CRLF2: variants seen among roughly 807,000 people sequenced by gnomAD.
CRLF2 encodes cytokine receptor-like factor 2.
A neutral mutation model predicts 38.7 loss-of-function variants in CRLF2; 41 were observed. The ratio of observed to expected loss-of-function variants is 1.06; its 90% CI spans 0.83 to 1.37. The LOEUF (loss-of-function observed/expected upper bound fraction) is 1.37, where lower values mean the gene tolerates loss of function less well. Among genes scored for constraint, CRLF2 ranks in the 40% most tolerant of loss-of-function variants. The pLI is 0.00. For missense variants in CRLF2, 377 were observed against 322.2 expected (o/e 1.17, Z -1.30); for synonymous variants, 140 against 128.8 (o/e 1.09, Z -0.59).
intron 4 of CRLF2, among the ~76,000 whole-genome samples, chrX:1,199,790 G>T (rs2086566826): frequency 6.6e-6 from 1 of 151,592 alleles, no homozygotes. Context: ...ATATATAATT[G>T]TGTATATATA....
chrX:1,207,333 G>A (rs1371478954), intron 2 of CRLF2, among the ~76,000 whole-genome samples: 5 of 150,670 alleles, frequency 3.3e-5, no homozygotes, highest in African/African-American at 1.2e-4. Flanking sequence ...TCGGCCCACT[G>A]CAACCTCTGC....
At position 1,198,738 on chromosome X, in the gene CRLF2, C is replaced by CAG; in HGVS notation, c.484-15_484-14insCT. On this transcript the variant is annotated splice_polypyrimidine_tract_variant and intron_variant, in intron 4 of 7. Coordinates refer to ENST00000400841, the MANE Select transcript of CRLF2 (RefSeq NM_022148.4). ...TTCCTGTTTGGACTGGAGAAACATA[C>CAG]ACACACACACACACACACACACACA... 1.8e-6 allele frequency: 1 copy of CAG among 559,266 alleles called. No individual in the cohort carries two copies. The highest frequency in any genetic ancestry group is 2.8e-6 in the Non-Finnish European group (1 of 353,960). The allele number at this position is 559,266 out of a possible 1,614,324, so 34.6% of individuals were successfully genotyped here.
In CRLF2 at chrX:1,212,637, C is replaced by G. The variant is rs1221113736; in HGVS notation, c.-3G>C. The G allele has an allele frequency of 1.4e-5, 23 of 1,608,274 alleles. No homozygotes were observed. Among genetic ancestry groups the G allele is most frequent in the Non-Finnish European group, 2.0e-5 (23 of 1,175,156 alleles). Reference sequence around the variant, plus strand: ...CACAGCAGAACCAGCCGCCCCATGCCTGAAACAGGAGTGGAGAGTGAGGTC... The same window carrying G: ...CACAGCAGAACCAGCCGCCCCATGCGTGAAACAGGAGTGGAGAGTGAGGTC... On this transcript the variant is annotated 5_prime_UTR_variant, in exon 1 of 8. Transcript: ENST00000400841.
rs760783098 is a variant in CRLF2 at position 1,198,736 on chromosome X, T to TACACATAC, written c.484-13_484-12insGTATGTGT. ...TTTTCCTGTTTGGACTGGAGAAACA[T>TACACATAC]ACACACACACACACACACACACACA... On this transcript the variant is annotated splice_polypyrimidine_tract_variant and intron_variant, in intron 4 of 7. Coordinates refer to ENST00000400841, the MANE Select transcript of CRLF2 (RefSeq NM_022148.4). The TACACATAC allele has an allele frequency of 0.077, 62,908 of 813,920 alleles. 4,103 individuals carry two copies. Among genetic ancestry groups the TACACATAC allele is most frequent in the East Asian group, 0.096 (3,066 of 31,856 alleles). 50.4% of individuals were successfully genotyped at this position (813,920 alleles called of 1,614,324 possible).
intron 1 of CRLF2, among the ~76,000 whole-genome samples, chrX:1,210,824 G>A (rs1191479008): frequency 6.6e-6 from 1 of 152,212 alleles, no homozygotes; most frequent in Admixed American, 6.6e-5. Flanking sequence ...GTAGATGGAT[G>A]AATCAATGGA....
intron 2 of CRLF2, among the ~76,000 whole-genome samples, chrX:1,207,732 C>A (rs1349060907): frequency 6.6e-6 from 1 of 151,774 alleles, no homozygotes; most frequent in East Asian, 1.9e-4. Context: ...TCACCGTGAA[C>A]TCCGTCTCCC....
chrX:1,204,106 A>G (rs2086653414), intron 3 of CRLF2, among the ~76,000 whole-genome samples: 1 of 134,560 alleles, frequency 7.4e-6, no homozygotes, highest in Non-Finnish European at 1.6e-5. Context: ...AAGAGAGAAC[A>G]TCCAGTGAGT....
intron 1 of CRLF2, among the ~76,000 whole-genome samples, chrX:1,210,669 T>G (rs1436051820): frequency 6.6e-6 from 1 of 152,184 alleles, no homozygotes. Context: ...ACAGTGAACC[T>G]TGTCATGTTG....
At chrX:1,193,023 G>T (rs1404879257) in intron 7 of CRLF2, among the ~76,000 whole-genome samples, 195 bp downstream of exon 7, 1 of 151,566 alleles carries the variant, frequency 6.6e-6, no homozygotes, top group Non-Finnish European at 1.5e-5. Flanking sequence ...ATGTTGGCCA[G>T]GCTGGTCTCG....
intron 5 of CRLF2, among the ~76,000 whole-genome samples, chrX:1,197,288 A>AT (rs112992859): frequency 0.25 from 34,223 of 139,564 alleles, 4,083 homozygotes; most frequent in Middle Eastern, 0.36. Flanking sequence ...AGATGGACCT[A>AT]TTTTTTTTTT....
intron 7 of CRLF2, among the ~76,000 whole-genome samples, chrX:1,192,970 C>T (rs1235923492): frequency 4.7e-4 from 71 of 151,688 alleles, no homozygotes; most frequent in South Asian, 4.6e-3. Flanking sequence ...TGAGCCAGCA[C>T]GCCCGGCTAA....
chrX:1,191,337 C>CTTTCTTTCTTTCTTTCTTTCTT, intron 7 of CRLF2, among the ~76,000 whole-genome samples, 177 bp from the exon 8 acceptor site: 1 of 115,830 alleles, frequency 8.6e-6, no homozygotes, highest in Admixed American at 9.7e-5. Context: ...TTCTTTCTTT[C>CTTTCTTTCTTTCTTTCTTTCTT]TTTCTTTCCT....
rs749443938 is a variant in CRLF2, at chrX:1,206,416, G to A, written c.349+17C>T. On this transcript the variant is annotated intron_variant, in intron 3 of 7. Transcript: ENST00000400841. ...GAAGTACTGAAAAGCATGGTGAGCT[G>A]GCTTTACAATACTTACGGTAATAAA... 1.4e-5 allele frequency: 22 copies of A among 1,609,646 alleles called. No individual in the cohort carries two copies. The highest frequency in any genetic ancestry group is 1.7e-5 in the Non-Finnish European group (20 of 1,176,106).
chrX:1,203,246 T>C (rs28616875), intron 3 of CRLF2, among the ~76,000 whole-genome samples: 130,355 of 151,934 alleles, frequency 0.86, 56,393 homozygotes, highest in East Asian at 0.97. Flanking sequence ...GAGGAGGAGA[T>C]GCAGACACAG....
chrX:1,193,997 T>C (rs2086438447), intron 6 of CRLF2, among the ~76,000 whole-genome samples: 1 of 151,218 alleles, frequency 6.6e-6, no homozygotes, highest in Non-Finnish European at 1.5e-5. Flanking sequence ...TGGTGGCGTC[T>C]GCCTGTAATC....
At chrX:1,197,639 C>T (rs1339330958) in intron 5 of CRLF2, among the ~76,000 whole-genome samples, 5 of 151,850 alleles carry the variant, frequency 3.3e-5, no homozygotes, top group Admixed American at 6.6e-5. Flanking sequence ...TATGGGGAAA[C>T]GCCATCCCTA....
intron 1 of CRLF2, among the ~76,000 whole-genome samples, chrX:1,211,241 G>C (rs1286128790): frequency 7.0e-6 from 1 of 143,420 alleles, no homozygotes; most frequent in Non-Finnish European, 1.5e-5. Flanking sequence ...GGATGGGTGG[G>C]TGGGTGGATG....
chrX:1,206,141 C>T (rs2086687590), intron 3 of CRLF2, among the ~76,000 whole-genome samples: 1 of 151,710 alleles, frequency 6.6e-6, no homozygotes, highest in South Asian at 2.1e-4. Flanking sequence ...CGACGATTTA[C>T]GTGAGCTTTT....
At position 1,203,867 on chromosome X, in the gene CRLF2, A is replaced by G. The variant is rs140695869; in HGVS notation, c.350-1332T>C. Among the ~76,000 whole-genome samples, 826 of 152,304 alleles carry G rather than the reference A, an allele frequency of 5.4e-3. 4 individuals are homozygous for G. The highest frequency in any genetic ancestry group is 0.019 in the African/African-American group (804 of 41,566). ...AAGTAATTTCGCGAATAAAGAGTTC[A>G]TAGTTCTCACCGGATTCTCAAACAG... On this transcript the variant is annotated intron_variant, in intron 3 of 7. Transcript: ENST00000400841.
Sources: allele counts gnomAD v4.1 joint callset (sites outside exome capture counted in the v4.1 genomes callset), GRCh38; gene constraint gnomAD v4.1.1; transcripts MANE v1.5; gene names NCBI Gene and HGNC (gene_info 2026-07-23, HGNC 2026-07-21).